The following PKHD1L1 variants were observed in gnomAD, a reference collection of about 807,000 sequenced individuals.
PKHD1L1 encodes the protein fibrocystin-L.
Under a neutral mutation model 462.9 loss-of-function variants are expected in PKHD1L1, and 434 were observed. The ratio of observed to expected loss-of-function variants is 0.94; its 90% CI spans 0.87 to 1.02. PKHD1L1 has a LOEUF of 1.02. PKHD1L1 is among the 50% of genes least tolerant of loss of function. PKHD1L1 has a pLI of 0.00. For synonymous variants in PKHD1L1, 1,781 were observed against 1,750.0 expected (o/e 1.02, Z -0.44); for missense variants, 5,202 against 5,096.1 (o/e 1.02, Z -0.63).
chr8:109,515,395 A>G, intron 72 of PKHD1L1, 90 bp downstream of exon 72: 1 of 1,093,260 alleles, frequency 9.1e-7, no homozygotes, highest in Non-Finnish European at 1.2e-6. Context: ...TTAATTCCTT[A>G]TCTATCAATG....
intron 23 of PKHD1L1, among the ~76,000 whole-genome samples, chr8:109,424,785 G>T (rs574625646): frequency 4.6e-5 from 7 of 152,284 alleles, no homozygotes; most frequent in African/African-American, 1.4e-4. Flanking sequence ...ACCTTGAACA[G>T]AGTGCCTGCT....
At chr8:109,526,729 T>A in intron 76 of PKHD1L1, 55 bp from the exon 77 acceptor site, 1 of 1,421,082 alleles carries the variant, frequency 7.0e-7, no homozygotes, top group South Asian at 1.3e-5. Context: ...GGGAACGGTA[T>A]GAAAACAAGT....
intron 9 of PKHD1L1, 116 bp from the exon 10 acceptor site, chr8:109,394,299 C>A: frequency 1.7e-6 from 1 of 574,146 alleles, no homozygotes; most frequent in Non-Finnish European, 3.0e-6. Flanking sequence ...TATCTTCTCC[C>A]AAAAGTTCCA....
intron 63 of PKHD1L1, 129 bp downstream of exon 63, chr8:109,493,880 A>G: frequency 1.9e-6 from 1 of 529,706 alleles, no homozygotes; most frequent in Non-Finnish European, 3.3e-6. Context: ...ATAACTCAAC[A>G]AGATAAATTA....
In PKHD1L1 at chr8:109,508,089, G is replaced by A. The variant is rs1241707412; in HGVS notation, c.11228-8G>A. On this transcript the variant is annotated splice_region_variant and splice_polypyrimidine_tract_variant and intron_variant, in intron 69 of 77. Transcript: ENST00000378402. ...TTATTGCTAAAATATATATACATAT[G>A]TTTCTAGGAATTATTAGAGATTCAA... 3 of 1,591,826 alleles carry A rather than the reference G, an allele frequency of 1.9e-6. No individual in the cohort carries two copies. Among genetic ancestry groups the A allele is most frequent in the Non-Finnish European group, 2.6e-6 (3 of 1,170,950 alleles).
At chr8:109,507,552 A>C in intron 68 of PKHD1L1, 111 bp from the exon 69 acceptor site, 1 of 899,962 alleles carries the variant, frequency 1.1e-6, no homozygotes, top group Non-Finnish European at 1.7e-6. Context: ...AATCTCTCTG[A>C]AATAAAATTC....
rs1453137483 is a variant in PKHD1L1, at chr8:109,526,793, A to G, written c.12494A>G (p.Tyr4165Cys). The G allele has an allele frequency of 3.9e-6, 6 of 1,546,734 alleles. No homozygotes were observed. The East Asian group carries it at 9.8e-5, about 25-fold the overall frequency. Residue 4165 changes from tyrosine to cysteine, a missense_variant, in exon 77 of 78, where the codon TAT (tyrosine) becomes TGT (cysteine). Tyr to Cys is a radical substitution (Grantham distance 194, BLOSUM62 -2). Transcript: ENST00000378402. ...DLTPLRTGKN[Y>C]KIEFILDNVV... ...TGCTTTTTTTTTCCAGGAAAAAATT[A>G]TAAGATTGAATTTATACTGGATAAT... is the stretch of plus-strand genomic sequence containing the variant.
rs775340133 is a variant in PKHD1L1 at position 109,446,619 on chromosome 8, C to T, written c.5776+974C>T. 2.6e-5 allele frequency among the ~76,000 whole-genome samples: 4 copies of T among 152,258 alleles called. No individual in the cohort carries two copies. In the South Asian group the frequency reaches 8.3e-4, roughly 32 times the overall value. On this transcript the variant is annotated intron_variant, in intron 38 of 77. Transcript: ENST00000378402. The stretch of plus-strand genomic sequence containing the variant: ...TCTTCTTTAATATGTCAAATTTGCT[C>T]ATTTTGAAAAATGTGAACAATAACA...
chr8:109,510,649 G>T (rs1431708624), intron 70 of PKHD1L1, 128 bp from the exon 71 acceptor site: 8 of 1,194,078 alleles, frequency 6.7e-6, no homozygotes, highest in South Asian at 1.7e-5. Flanking sequence ...ATGGGTAATA[G>T]GTATAAATGC....
intron 76 of PKHD1L1, among the ~76,000 whole-genome samples, chr8:109,526,386 C>T (rs57556233): frequency 0.028 from 4,257 of 152,284 alleles, 128 homozygotes; most frequent in African/African-American, 0.073. Context: ...CCCACCTCCC[C>T]CAACTGAGAC....
intron 35 of PKHD1L1, 112 bp from the exon 36 acceptor site, chr8:109,442,831 TAAG>T (rs1815879491): frequency 2.0e-6 from 2 of 983,368 alleles, no homozygotes; most frequent in African/African-American, 3.2e-5. Flanking sequence ...ACATGAAAAA[TAAG>T]AAACTGTCAT....
At chr8:109,453,731 G>A (rs114260606) in intron 43 of PKHD1L1, among the ~76,000 whole-genome samples, 3,691 of 152,262 alleles carry the variant, frequency 0.024, 141 homozygotes, top group African/African-American at 0.085. Context: ...TATAGCTGTT[G>A]AGAGTGCAAA....
chr8:109,431,328 T>C (rs768778954), intron 27 of PKHD1L1, among the ~76,000 whole-genome samples: 9 of 152,196 alleles, frequency 5.9e-5, no homozygotes, highest in Admixed American at 5.9e-4. Context: ...CATATATTTT[T>C]CACTGAAAAT....
intron 29 of PKHD1L1, 91 bp from the exon 30 acceptor site, chr8:109,436,247 C>G: frequency 4.4e-6 from 6 of 1,370,390 alleles, no homozygotes; most frequent in Non-Finnish European, 6.0e-6. Flanking sequence ...AGACTATTCT[C>G]AAAAGACAAT....
Position 109,523,609 on chromosome 8 carries a change from T to C in PKHD1L1, c.12484+223T>C, listed in dbSNP as rs76975692. Among the ~76,000 whole-genome samples, 14 of 152,318 alleles carry C rather than the reference T, an allele frequency of 9.2e-5. No individual in the cohort carries two copies. The East Asian group carries it at 2.7e-3, about 29-fold the overall frequency. On this transcript the variant is annotated intron_variant, in intron 76 of 77. Transcript: ENST00000378402. ...ATAAAAAATTAAGGAAATCGAATTA[T>C]ATCATGATTTATCCATTTGTATACT... is the stretch of plus-strand genomic sequence containing the variant.
intron 45 of PKHD1L1, 72 bp downstream of exon 45, chr8:109,454,924 G>T: frequency 6.7e-7 from 1 of 1,486,128 alleles, no homozygotes; most frequent in Non-Finnish European, 9.0e-7. Context: ...ATTATCCTGT[G>T]ATAATTATAA....
chr8:109,487,553 CCT>C (rs1200466779), intron 59 of PKHD1L1, among the ~76,000 whole-genome samples: 1 of 149,584 alleles, frequency 6.7e-6, no homozygotes, highest in Non-Finnish European at 1.5e-5. Context: ...CTGATTCATT[CCT>C]CTCTCCTTGC....
intron 12 of PKHD1L1, among the ~76,000 whole-genome samples, chr8:109,399,195 G>GA (rs1230746541): frequency 4.0e-5 from 6 of 151,860 alleles, no homozygotes; most frequent in African/African-American, 9.7e-5. Flanking sequence ...TTGAATATTA[G>GA]AAAAAAATGA....
intron 41 of PKHD1L1, among the ~76,000 whole-genome samples, chr8:109,451,882 C>A (rs1333170657): frequency 6.6e-6 from 1 of 152,100 alleles, no homozygotes; most frequent in African/African-American, 2.4e-5. Context: ...GTTTCTTTCC[C>A]CAACACTGGA....
Sources: gnomAD v4.1 joint callset for allele counts (sites outside exome capture counted in the v4.1 genomes callset) on GRCh38, gnomAD v4.1.1 for gene constraint, MANE v1.5 for transcripts, NCBI Gene and HGNC (gene_info 2026-07-23, HGNC 2026-07-21) for gene names.